The following TBCD variants were observed in gnomAD, a reference collection of about 807,000 sequenced individuals.
The protein encoded by TBCD is tubulin-specific chaperone D.
TBCD carries 105 observed loss-of-function variants against 169.3 expected under a neutral mutation model. That is an observed-to-expected ratio of 0.62 (90% CI 0.53 to 0.73). The LOEUF is 0.73. Ranked by LOEUF, TBCD falls within the 30% of genes least tolerant of loss-of-function variation. The pLI is 0.00. For synonymous variants in TBCD, 700 were observed against 643.9 expected (o/e 1.09, Z -1.32); for missense variants, 1,444 against 1,600.1 (o/e 0.90, Z 1.66).
intron 7 of TBCD, among the ~76,000 whole-genome samples, chr17:82,790,068 GTCCTGGGGGTCCTTGT>G (rs1251171018): frequency 6.6e-6 from 1 of 152,132 alleles, no homozygotes; most frequent in African/African-American, 2.4e-5. Context: ...CCGCCACCCT[GTCCTGGGGGTCCTTGT>G]CCCAGCACGT....
At chr17:82,921,165 G>T (rs966437634) in intron 24 of TBCD, 1 of 376,706 alleles carries the variant, frequency 2.7e-6, no homozygotes, top group Non-Finnish European at 4.8e-6. Flanking sequence ...TTGAGTTAAA[G>T]ATTTGGGTTT....
intron 13 of TBCD, among the ~76,000 whole-genome samples, chr17:82,819,555 T>G (rs1350061374): frequency 6.6e-6 from 1 of 152,164 alleles, no homozygotes; most frequent in Admixed American, 6.5e-5. Flanking sequence ...AAAAGGTAGT[T>G]GGGTGCAGTC....
chr17:82,893,860 C>T (rs75407034), intron 17 of TBCD, among the ~76,000 whole-genome samples: 10,359 of 152,262 alleles, frequency 0.068, 461 homozygotes, highest in South Asian at 0.23. Context: ...CATTTACTCA[C>T]GTGTTAAAGA....
At chr17:82,852,450 A>T (rs925115753) in intron 13 of TBCD, among the ~76,000 whole-genome samples, 2 of 152,104 alleles carry the variant, frequency 1.3e-5, no homozygotes, top group African/African-American at 4.8e-5. Flanking sequence ...TGGGTGTCCA[A>T]GGTCGAGGTG....
Position 82,923,076 on chromosome 17 carries a change from C to T in TBCD, c.2179-576C>T, listed in dbSNP as rs142534903. Among the ~76,000 whole-genome samples the T allele has an allele frequency of 9.1e-4, 138 of 152,334 alleles. 1 individual carries two copies. In the East Asian group the frequency reaches 0.019, roughly 21 times the overall value. On this transcript the variant is annotated intron_variant, in intron 25 of 38. Coordinates refer to ENST00000355528, the MANE Select transcript of TBCD (RefSeq NM_005993.5). This position sits in a 1 kb window ranked among gnomAD's most constrained non-coding sequence, Gnocchi z 4.6. ...CCAACTCCTGTTCCCAGTGCGCCCC[C>T]GGAGCCCTGTCTCTCTAAATGAGGC...
chr17:82,856,748 TCGC>T (rs1567899536), intron 13 of TBCD, among the ~76,000 whole-genome samples: 2 of 148,580 alleles, frequency 1.3e-5, no homozygotes, highest in African/African-American at 2.6e-5. Flanking sequence ...GTGCGGACCC[TCGC>T]TGCGCATCCA....
intron 13 of TBCD, among the ~76,000 whole-genome samples, chr17:82,823,673 AT>A (rs1272249520): frequency 1.3e-5 from 2 of 151,480 alleles, no homozygotes; most frequent in African/African-American, 2.4e-5. Context: ...AGGATCCTTT[AT>A]TTTTTTTCAG....
chr17:82,806,069 C>G lies in TBCD; in HGVS notation c.1087+58C>G. Reference sequence around the variant, plus strand: ...TGGGCACCGTCGGGCCAATTCCCCTCTACTCCAGGACCACACTTCCTTCTT... The same window carrying G: ...TGGGCACCGTCGGGCCAATTCCCCTGTACTCCAGGACCACACTTCCTTCTT... On this transcript the variant is annotated intron_variant, in intron 10 of 38. Coordinates refer to ENST00000355528, the MANE Select transcript of TBCD (RefSeq NM_005993.5). The surrounding 1 kb of genome is among the most constrained non-coding windows in gnomAD (Gnocchi z 5.1). 6.3e-7 allele frequency: 1 copy of G among 1,589,412 alleles called. No homozygotes were observed. The highest frequency in any genetic ancestry group is 1.3e-5 in the African/African-American group (1 of 74,672).
In TBCD at chr17:82,870,324, C is replaced by T. The variant is rs1422187812; in HGVS notation, c.1419C>T (p.Ala473=). The part of the protein sequence containing the change: ...VRDAACYVCW[A]FARAYEPQEL... ...ACGCCGCCTGCTACGTGTGCTGGGC[C>T]TTCGCGCGTGCCTATGAGCCTCAGG... Residue 473 remains alanine, a synonymous_variant, in exon 14 of 39, where the codon GCC becomes GCT. Coordinates refer to ENST00000355528, the MANE Select transcript of TBCD (RefSeq NM_005993.5). 6.2e-7 allele frequency: 1 copy of T among 1,613,424 alleles called. No homozygotes were observed. The highest frequency in any genetic ancestry group is 1.3e-5 in the African/African-American group (1 of 74,952).
intron 7 of TBCD, among the ~76,000 whole-genome samples, chr17:82,796,299 T>G (rs139880601): frequency 1.3e-5 from 2 of 152,352 alleles, no homozygotes; most frequent in East Asian, 3.9e-4. Context: ...TTAAAACACA[T>G]ATTAAATTAG....
chr17:82,850,004 T>TGTTGTTG (rs1387395051), intron 13 of TBCD, among the ~76,000 whole-genome samples: 23 of 145,264 alleles, frequency 1.6e-4, no homozygotes, highest in African/African-American at 5.1e-4. Context: ...TTGGCTGTGC[T>TGTTGTTG]GCTGTTGGCT....
intron 7 of TBCD, among the ~76,000 whole-genome samples, chr17:82,790,197 C>G (rs1300170796): frequency 6.6e-6 from 1 of 152,138 alleles, no homozygotes; most frequent in African/African-American, 2.4e-5. Context: ...GCCCTGGGCT[C>G]CCCGACTACC....
intron 13 of TBCD, among the ~76,000 whole-genome samples, chr17:82,834,238 G>A (rs866707490): frequency 2.0e-5 from 3 of 152,278 alleles, no homozygotes; most frequent in South Asian, 2.1e-4. Flanking sequence ...GTGAGCCACC[G>A]CACCCGTCCC....
At chr17:82,774,585 C>A (rs2048473829) in intron 6 of TBCD, among the ~76,000 whole-genome samples, 1 of 152,202 alleles carries the variant, frequency 6.6e-6, no homozygotes, top group South Asian at 2.1e-4. Flanking sequence ...GACGGGGTGG[C>A]AGCCGGGCAG....
Position 82,939,362 on chromosome 17 carries a change from CCCAGATCCGGAAGACCACGG to C in TBCD, c.3370_3389del (p.Ile1124ProfsTer11). 6.2e-7 allele frequency: 1 copy of C among 1,608,732 alleles called. No homozygotes were observed. Among genetic ancestry groups the C allele is most frequent in the Admixed American group, 1.7e-5 (1 of 59,704 alleles). On this transcript the variant is annotated splice_acceptor_variant and splice_polypyrimidine_tract_variant and coding_sequence_variant and intron_variant, in exon 37 of 39. Coordinates refer to ENST00000355528, the MANE Select transcript of TBCD (RefSeq NM_005993.5). LOFTEE classifies it high-confidence loss of function. ...TCCGGCAAATGCACTGCATCCCTGTCCCAGATCCGGAAGACCACGGCCAGCCAGGTGTACGAGACATTGCT... is the reference window on the plus strand; with the variant it reads ...TCCGGCAAATGCACTGCATCCCTGTCCCAGCCAGGTGTACGAGACATTGCT...
At position 82,905,823 on chromosome 17, in the gene TBCD, G is replaced by A. The variant is rs554174274; in HGVS notation, c.1805-113G>A. ...CGTGTGGGCTTCCCACAGGCCGTCC[G>A]TGTGTGCACGCCGTCGCCTGCCCTC... On this transcript the variant is annotated intron_variant, in intron 19 of 38. Coordinates refer to ENST00000355528, the MANE Select transcript of TBCD (RefSeq NM_005993.5). 1.9e-5 allele frequency: 13 copies of A among 701,744 alleles called. No individual in the cohort carries two copies. In the East Asian group the frequency reaches 2.6e-4, roughly 14 times the overall value. 43.5% of individuals were successfully genotyped at this position (701,744 alleles called of 1,614,324 possible).
intron 12 of TBCD, 81 bp from the exon 13 acceptor site, chr17:82,814,759 G>A: frequency 7.4e-7 from 1 of 1,353,400 alleles, no homozygotes; most frequent in Non-Finnish European, 1.0e-6. Context: ...GACCTGCCAG[G>A]CTGTGCTCCT....
Position 82,889,792 on chromosome 17 carries a change from G to A in TBCD, c.1563+95G>A. The A allele has an allele frequency of 2.1e-6, 3 of 1,424,834 alleles. No individual in the cohort carries two copies. The highest frequency in any genetic ancestry group is 2.8e-5 in the African/African-American group (2 of 70,318). The allele number at this position is 1,424,834 out of a possible 1,614,324, so 88.3% of individuals were successfully genotyped here. A position where few individuals can be genotyped will look rare whatever the true frequency, so the allele number is the denominator to read the frequency against. On this transcript the variant is annotated intron_variant, in intron 16 of 38. Coordinates refer to ENST00000355528, the MANE Select transcript of TBCD (RefSeq NM_005993.5). This position sits in a 1 kb window ranked among gnomAD's most constrained non-coding sequence, Gnocchi z 5.3. ...TATAACCCTGGTGTCTTCTCGCACT[G>A]TGAGATGTGGTGTGGCTACATCAAT... is the stretch of plus-strand genomic sequence containing the variant.
At chr17:82,804,164 A>C (rs2050784489) in intron 9 of TBCD, among the ~76,000 whole-genome samples, 1 of 141,690 alleles carries the variant, frequency 7.1e-6, no homozygotes, top group African/African-American at 2.7e-5. Flanking sequence ...GTGTTGGGGA[A>C]GAGTGGGGGC....
Sources: allele counts gnomAD v4.1 joint callset (sites outside exome capture counted in the v4.1 genomes callset), GRCh38; gene constraint gnomAD v4.1.1; non-coding constraint Gnocchi (gnomAD v3.1); transcripts MANE v1.5; gene names NCBI Gene and HGNC (gene_info 2026-07-23, HGNC 2026-07-21).